FUT8: variants seen among roughly 807,000 people sequenced by gnomAD.
FUT8 encodes the protein alpha-(1,6)-fucosyltransferase.
In FUT8, 29 loss-of-function variants were observed where a neutral mutation model predicts 71.3. That is an observed-to-expected ratio of 0.41 (90% confidence interval 0.30 to 0.55). FUT8 has a LOEUF of 0.55. Ranked by LOEUF, FUT8 falls within the 20% of genes least tolerant of loss-of-function variation. The pLI, the probability that FUT8 is intolerant of heterozygous loss-of-function variation, is 0.34. For synonymous variants in FUT8, 254 were observed against 239.3 expected (o/e 1.06, Z -0.57); for missense variants, 544 against 702.1 (o/e 0.77, Z 2.55).
intron 3 of FUT8, among the ~76,000 whole-genome samples, chr14:65,611,281 ACACACACACACACACACACACCC>A (rs1888968521): frequency 6.4e-5 from 3 of 47,182 alleles, no homozygotes; most frequent in South Asian, 9.2e-4. Flanking sequence ...ACACACACAC[ACACACACACACACACACACACCC>A]CCCAAGTAAT....
chr14:65,603,833 G>A lies in FUT8; in HGVS notation c.204-12145G>A, dbSNP rs576270571. Among the ~76,000 whole-genome samples the A allele has an allele frequency of 2.6e-5, 4 of 151,832 alleles. No homozygotes were observed. The highest frequency in any genetic ancestry group is 1.3e-4 in the Admixed American group (2 of 15,186). On this transcript the variant is annotated intron_variant, in intron 3 of 10. Transcript: ENST00000673929. The surrounding 1 kb of genome is among the most constrained non-coding windows in gnomAD (Gnocchi z 4.5). ...AGGTACAGAATTGCAGAATGGATTC[G>A]AATTCACAAACCAAGCATCTGCTGC...
intron 7 of FUT8, among the ~76,000 whole-genome samples, chr14:65,696,981 T>C (rs1894028614): frequency 6.6e-6 from 1 of 152,192 alleles, no homozygotes; most frequent in African/African-American, 2.4e-5. Context: ...TTATTAGGTT[T>C]TTAGCCTATT....
In FUT8 at chr14:65,743,897, T is replaced by C. The variant is rs940493620; in HGVS notation, c.*1487T>C. On this transcript the variant is annotated 3_prime_UTR_variant, in exon 11 of 11. Transcript: ENST00000673929. ...AATGTCATCTCTGTAGGAGCGACTA[T>C]CAGGCCTAGTGTGAAATATTAGGGA... 5.9e-5 allele frequency: 9 copies of C among 151,974 alleles called. No homozygotes were observed. The highest frequency in any genetic ancestry group is 1.0e-4 in the Non-Finnish European group (7 of 67,854). 9.4% of individuals were successfully genotyped at this position (151,974 alleles called of 1,614,324 possible). A position where few individuals can be genotyped will look rare whatever the true frequency, so the allele number is the denominator to read the frequency against.
chr14:65,742,717 T>C lies in FUT8; in HGVS notation c.*307T>C, dbSNP rs922067800. ...CCCCATAAGACAAACACTGCCATAT[T>C]GTGTAATTTAAGTGACACAGACATT... On this transcript the variant is annotated 3_prime_UTR_variant, in exon 11 of 11. Coordinates refer to ENST00000673929, the MANE Select transcript of FUT8 (RefSeq NM_001371533.1). 3 of 257,514 alleles carry C rather than the reference T, an allele frequency of 1.2e-5. No individual in the cohort carries two copies. The highest frequency in any genetic ancestry group is 2.3e-5 in the Non-Finnish European group (3 of 133,000). 16.0% of individuals were successfully genotyped at this position (257,514 alleles called of 1,614,324 possible).
chr14:65,689,578 G>A (rs1400662936), intron 7 of FUT8, among the ~76,000 whole-genome samples: 1 of 151,774 alleles, frequency 6.6e-6, no homozygotes, highest in African/African-American at 2.4e-5. Flanking sequence ...TCGCTCTGTC[G>A]CCCAGGCTGG....
intron 2 of FUT8, among the ~76,000 whole-genome samples, chr14:65,517,641 CAT>C (rs1252295916): frequency 2.0e-5 from 3 of 152,134 alleles, no homozygotes; most frequent in Non-Finnish European, 2.9e-5. Flanking sequence ...TAGATCATGA[CAT>C]ATCTTTAAAG....
chr14:65,424,451 G>T (rs2065351728), intron 1 of FUT8, among the ~76,000 whole-genome samples: 2 of 151,108 alleles, frequency 1.3e-5, no homozygotes, highest in South Asian at 4.2e-4. Context: ...GTATATATTT[G>T]TAGTAGTAAA....
chr14:65,494,275 CT>C (rs1449865664), intron 2 of FUT8, among the ~76,000 whole-genome samples: 1 of 152,100 alleles, frequency 6.6e-6, no homozygotes, highest in African/African-American at 2.4e-5. Flanking sequence ...GTTTTACATT[CT>C]TTTATTCATA....
intron 2 of FUT8, among the ~76,000 whole-genome samples, chr14:65,479,546 C>T (rs2066297680): frequency 6.6e-6 from 1 of 151,878 alleles, no homozygotes; most frequent in South Asian, 2.1e-4. Context: ...TTCTTCCTCC[C>T]TCCTTCCCTT....
Position 65,638,235 on chromosome 14 carries a change from C to T in FUT8, c.597+8629C>T, listed in dbSNP as rs1021523631. Among the ~76,000 whole-genome samples the T allele has an allele frequency of 2.0e-5, 3 of 152,108 alleles. No homozygotes were observed. Among genetic ancestry groups the T allele is most frequent in the Non-Finnish European group, 4.4e-5 (3 of 68,018 alleles). On this transcript the variant is annotated intron_variant, in intron 6 of 10. Coordinates refer to ENST00000673929, the MANE Select transcript of FUT8 (RefSeq NM_001371533.1). This position sits in a 1 kb window ranked among gnomAD's most constrained non-coding sequence, Gnocchi z 4.5. ...CTGCCTAACCAGCCCCTAACTGCCT[C>T]CTCTCTCACTGTGTTGCCCAGGCTG...
chr14:65,394,295 G>C, the FUT8 span, among the ~76,000 whole-genome samples: 1 of 152,118 alleles, frequency 6.6e-6, no homozygotes, highest in African/African-American at 2.4e-5. Flanking sequence ...GATCTCATGA[G>C]ACTTATTCAC....
intron 7 of FUT8, among the ~76,000 whole-genome samples, chr14:65,685,294 T>A (rs1342059521): frequency 6.6e-6 from 1 of 152,182 alleles, no homozygotes; most frequent in African/African-American, 2.4e-5. Flanking sequence ...GAAATAAGAA[T>A]TTGCTTTCTC....
intron 2 of FUT8, among the ~76,000 whole-genome samples, chr14:65,514,795 C>T (rs187854705): frequency 4.6e-5 from 7 of 151,850 alleles, no homozygotes; most frequent in African/African-American, 1.4e-4. Context: ...CAAGCTGGTG[C>T]GCTGCACCCA....
chr14:65,414,083 C>G (rs547788043), intron 1 of FUT8, among the ~76,000 whole-genome samples: 3 of 152,098 alleles, frequency 2.0e-5, no homozygotes, highest in Non-Finnish European at 4.4e-5. Context: ...TTTAATTATT[C>G]ACAGTTTATT....
At chr14:65,608,778 A>T (rs1888720947) in intron 3 of FUT8, among the ~76,000 whole-genome samples, 1 of 152,034 alleles carries the variant, frequency 6.6e-6, no homozygotes, top group Non-Finnish European at 1.5e-5. Flanking sequence ...GAACCAGGCC[A>T]GCCTATATAG....
chr14:65,576,219 G>A (rs534421058), intron 3 of FUT8, among the ~76,000 whole-genome samples: 2 of 152,172 alleles, frequency 1.3e-5, no homozygotes, highest in South Asian at 2.1e-4. Flanking sequence ...ATGGCTTCCA[G>A]GCTAAGAATG....
At position 65,439,100 on chromosome 14, in the gene FUT8, G is replaced by A. The variant is rs546373321; in HGVS notation, c.-325-16521G>A. 2.6e-5 allele frequency among the ~76,000 whole-genome samples: 4 copies of A among 152,260 alleles called. No individual in the cohort carries two copies. In the South Asian group the frequency reaches 8.3e-4, roughly 32 times the overall value. ...AGAGAATATGTCTAGATCACTAACAGACCCCTTTTTACTTGCCTCTTTTGG... is the reference window on the plus strand; with the variant it reads ...AGAGAATATGTCTAGATCACTAACAAACCCCTTTTTACTTGCCTCTTTTGG... On this transcript the variant is annotated intron_variant, in intron 1 of 10. Transcript: ENST00000673929.
At chr14:65,672,988 C>T (rs1892542046) in intron 7 of FUT8, among the ~76,000 whole-genome samples, 1 of 152,164 alleles carries the variant, frequency 6.6e-6, no homozygotes, top group Admixed American at 6.5e-5. Flanking sequence ...GTCTTTCCTT[C>T]TCTTGTCTTT....
chr14:65,584,165 C>A (rs1175341810), intron 3 of FUT8, among the ~76,000 whole-genome samples: 3 of 143,796 alleles, frequency 2.1e-5, no homozygotes, highest in Non-Finnish European at 4.5e-5. Flanking sequence ...CAGGTGGGAG[C>A]CACCACGCCC....
Sources: allele counts gnomAD v4.1 joint callset (sites outside exome capture counted in the v4.1 genomes callset), GRCh38; gene constraint gnomAD v4.1.1; non-coding constraint Gnocchi (gnomAD v3.1); transcripts MANE v1.5; gene names NCBI Gene and HGNC (gene_info 2026-07-23, HGNC 2026-07-21).